The following CCSER1 variants were observed in gnomAD, a reference collection of about 807,000 sequenced individuals.
The protein encoded by CCSER1 is serine-rich coiled-coil domain-containing protein 1.
CCSER1 carries 41 observed loss-of-function variants against 82.0 expected under a neutral mutation model. The ratio of observed to expected loss-of-function variants is 0.50; its 90% CI spans 0.39 to 0.65. CCSER1 has a LOEUF of 0.65. Ranked by LOEUF, CCSER1 falls within the 30% of genes least tolerant of loss-of-function variation. The pLI is 0.00. For missense variants in CCSER1, 1,119 were observed against 1,064.2 expected (o/e 1.05, Z -0.72); for synonymous variants, 414 against 383.9 (o/e 1.08, Z -0.92).
intron 3 of CCSER1, among the ~76,000 whole-genome samples, chr4:90,353,801 A>G (rs1215544549): frequency 2.0e-5 from 3 of 152,210 alleles, no homozygotes; most frequent in African/African-American, 7.2e-5. Flanking sequence ...TGAGGCAGCT[A>G]GGTGGTACTG....
At chr4:90,984,501 A>G (rs1225876927) in intron 9 of CCSER1, among the ~76,000 whole-genome samples, 2 of 151,666 alleles carry the variant, frequency 1.3e-5, no homozygotes, top group African/African-American at 2.4e-5. Flanking sequence ...AAAGAAGACA[A>G]CTTCACACCT....
intron 10 of CCSER1, among the ~76,000 whole-genome samples, chr4:91,551,872 T>G (rs1420284163): frequency 6.6e-6 from 1 of 151,726 alleles, no homozygotes; most frequent in Non-Finnish European, 1.5e-5. Context: ...TTCCTTTTAG[T>G]GTGCTGACAA....
intron 1 of CCSER1, among the ~76,000 whole-genome samples, chr4:90,258,981 T>C (rs548312837): frequency 1.3e-5 from 2 of 152,324 alleles, no homozygotes; most frequent in East Asian, 3.9e-4. Context: ...TTTGGTTCCA[T>C]ATGAATTTTA....
chr4:91,599,448 T>A lies in CCSER1; in HGVS notation c.*391T>A, dbSNP rs1310612051. ...AATGGTGTTACTATAAAAGTAGACC[T>A]GATGAAAAATAGATAAAGGAATTAT... On this transcript the variant is annotated 3_prime_UTR_variant, in exon 11 of 11. Transcript: ENST00000509176. 1 of 154,168 alleles carries A rather than the reference T, an allele frequency of 6.5e-6. No individual in the cohort carries two copies. Among genetic ancestry groups the A allele is most frequent in the Non-Finnish European group, 1.4e-5 (1 of 69,536 alleles). The allele number at this position is 154,168 out of a possible 1,614,324, so 9.6% of individuals were successfully genotyped here. A position where few individuals can be genotyped will look rare whatever the true frequency, so the allele number is the denominator to read the frequency against.
At chr4:91,517,313 T>C (rs538097050) in intron 10 of CCSER1, among the ~76,000 whole-genome samples, 1 of 152,300 alleles carries the variant, frequency 6.6e-6, no homozygotes, top group South Asian at 2.1e-4. Flanking sequence ...GCCCCTTCCA[T>C]ATGATGTTGG....
At chr4:90,750,211 G>T (rs1324937660) in intron 7 of CCSER1, among the ~76,000 whole-genome samples, 1 of 151,964 alleles carries the variant, frequency 6.6e-6, no homozygotes, top group African/African-American at 2.4e-5. Context: ...CAGATGAGTA[G>T]GTTGCGAAAA....
chr4:90,314,802 C>A (rs1266892958), intron 3 of CCSER1, among the ~76,000 whole-genome samples: 1 of 131,200 alleles, frequency 7.6e-6, no homozygotes, highest in Non-Finnish European at 1.6e-5. Context: ...AAAAGTGCTT[C>A]TTATAATATC....
intron 3 of CCSER1, among the ~76,000 whole-genome samples, chr4:90,336,924 C>T (rs960544501): frequency 3.9e-5 from 6 of 152,244 alleles, no homozygotes; most frequent in Middle Eastern, 3.4e-3. Flanking sequence ...TACAGACTGG[C>T]CCTAAGCCTA....
At chr4:91,429,742 G>A (rs1754185573) in intron 10 of CCSER1, among the ~76,000 whole-genome samples, 1 of 151,680 alleles carries the variant, frequency 6.6e-6, no homozygotes, top group African/African-American at 2.4e-5. Flanking sequence ...AAAATCTCAA[G>A]CATAAGAATT....
At chr4:91,480,633 T>G (rs1578573603) in intron 10 of CCSER1, among the ~76,000 whole-genome samples, 1 of 152,344 alleles carries the variant, frequency 6.6e-6, no homozygotes, top group Admixed American at 6.5e-5. Flanking sequence ...ACTTCACATA[T>G]CTCTGCCCAG....
At chr4:90,421,652 T>A (rs575072190) in intron 4 of CCSER1, among the ~76,000 whole-genome samples, 2 of 152,324 alleles carry the variant, frequency 1.3e-5, no homozygotes, top group Non-Finnish European at 2.9e-5. Flanking sequence ...ATGATTTTTT[T>A]ATCCTTATAT....
intron 7 of CCSER1, among the ~76,000 whole-genome samples, chr4:90,806,876 T>C (rs1390927302): frequency 1.3e-5 from 2 of 152,160 alleles, no homozygotes; most frequent in African/African-American, 4.8e-5. Context: ...CTTTTTTTTT[T>C]TTCTTCACAT....
At chr4:91,170,079 G>A (rs1021395701) in intron 10 of CCSER1, among the ~76,000 whole-genome samples, 2 of 152,148 alleles carry the variant, frequency 1.3e-5, no homozygotes, top group South Asian at 4.1e-4. Flanking sequence ...CAGACATAAT[G>A]TCTAAAGCTG....
intron 10 of CCSER1, among the ~76,000 whole-genome samples, chr4:91,128,629 T>G (rs1695420002): frequency 6.6e-6 from 1 of 152,094 alleles, no homozygotes; most frequent in African/African-American, 2.4e-5. Context: ...GAATATGGGT[T>G]GGCCAAAGAG....
At position 91,086,013 on chromosome 4, in the gene CCSER1, GA is replaced by G; in HGVS notation, c.2217+20del. The G allele has an allele frequency of 6.9e-7, 1 of 1,455,996 alleles. No individual in the cohort carries two copies. The highest frequency in any genetic ancestry group is 9.4e-7 in the Non-Finnish European group (1 of 1,060,658). The allele number at this position is 1,455,996 out of a possible 1,614,324, so 90.2% of individuals were successfully genotyped here. A position where few individuals can be genotyped will look rare whatever the true frequency, so the allele number is the denominator to read the frequency against. On this transcript the variant is annotated intron_variant, in intron 10 of 10. Coordinates refer to ENST00000509176, the MANE Select transcript of CCSER1 (RefSeq NM_001145065.2). ...GAGAGAGGTAAGAATGTTTAAAGAA[GA>G]GGGGTGGGAAAAAGAGGAAACATGG...
At chr4:91,205,879 G>A (rs961157917) in intron 10 of CCSER1, among the ~76,000 whole-genome samples, 1 of 151,826 alleles carries the variant, frequency 6.6e-6, no homozygotes, top group African/African-American at 2.4e-5. Flanking sequence ...ACAAGACGCT[G>A]TGAAAAGTAC....
chr4:91,242,897 C>A (rs1739479461), intron 10 of CCSER1, among the ~76,000 whole-genome samples: 1 of 152,090 alleles, frequency 6.6e-6, no homozygotes, highest in African/African-American at 2.4e-5. Flanking sequence ...ACTGGAACAC[C>A]AAATTTTATA....
chr4:91,251,135 CA>C (rs1337169666), intron 10 of CCSER1, among the ~76,000 whole-genome samples: 2 of 152,076 alleles, frequency 1.3e-5, no homozygotes, highest in Non-Finnish European at 2.9e-5. Context: ...GCTGTTATAA[CA>C]AATACCATAG....
intron 10 of CCSER1, among the ~76,000 whole-genome samples, chr4:91,384,653 A>T (rs550239413): frequency 6.6e-6 from 1 of 152,118 alleles, no homozygotes; most frequent in African/African-American, 2.4e-5. Context: ...TAATATGACT[A>T]TATAGAAATG....
Sources: allele counts gnomAD v4.1 joint callset (sites outside exome capture counted in the v4.1 genomes callset), GRCh38; gene constraint gnomAD v4.1.1; transcripts MANE v1.5; gene names NCBI Gene and HGNC (gene_info 2026-07-23, HGNC 2026-07-21).